Variants in FHIT observed in about 807,000 individuals in gnomAD.
FHIT encodes fragile histidine triad diadenosine triphosphatase.
Under a neutral mutation model 17.9 loss-of-function variants are expected in FHIT, and 19 were observed. That is an observed-to-expected ratio of 1.06 (90% confidence interval 0.74 to 1.56). The LOEUF (loss-of-function observed/expected upper bound fraction) is 1.56. Among genes scored for constraint, FHIT ranks in the 40% most tolerant of loss-of-function variants. The probability of loss-of-function intolerance (pLI) is 0.00; values close to 1 mark genes in which losing one functional copy is unlikely to be tolerated. For synonymous variants in FHIT, 81 were observed against 69.7 expected, an observed-to-expected ratio of 1.16 and a Z score of -0.81; for missense variants, 248 against 189.2, an observed-to-expected ratio of 1.31 and a Z score of -1.82.
chr3:60,380,231 G>A (rs1013849068), intron 5 of FHIT, among the ~76,000 whole-genome samples: 1 of 152,096 alleles, frequency 6.6e-6, no homozygotes, highest in Admixed American at 6.5e-5. Flanking sequence ...TAATGAGTGG[G>A]TTCTCACTGT....
intron 8 of FHIT, among the ~76,000 whole-genome samples, chr3:59,867,229 C>T (rs115666606): frequency 1.1e-5 from 1 of 88,180 alleles, no homozygotes; most frequent in Non-Finnish European, 2.3e-5. Context: ...TGAAGATCAC[C>T]GACATTCTCT....
intron 7 of FHIT, among the ~76,000 whole-genome samples, chr3:59,954,853 G>A (rs1021009473): frequency 6.6e-6 from 1 of 152,154 alleles, no homozygotes; most frequent in African/African-American, 2.4e-5. Context: ...AAGCTTACAT[G>A]CTAGGGCCAG....
At chr3:60,527,547 C>A (rs1475086565) in intron 5 of FHIT, among the ~76,000 whole-genome samples, 1 of 152,144 alleles carries the variant, frequency 6.6e-6, no homozygotes, top group Non-Finnish European at 1.5e-5. Flanking sequence ...ATGCGGCTAA[C>A]CAAGCTAAAC....
At chr3:60,570,747 A>AAAG (rs2037348122) in intron 4 of FHIT, among the ~76,000 whole-genome samples, 1 of 151,024 alleles carries the variant, frequency 6.6e-6, no homozygotes, top group Non-Finnish European at 1.5e-5. Flanking sequence ...TAAAAAAAAA[A>AAAG]AAAAAAAACT....
intron 5 of FHIT, among the ~76,000 whole-genome samples, chr3:60,201,851 A>C (rs908106152): frequency 2.0e-5 from 3 of 148,092 alleles, no homozygotes; most frequent in Non-Finnish European, 4.5e-5. Context: ...TCAGGGAGAA[A>C]AAAAAAAAAA....
rs573729223 is a variant in FHIT, at chr3:60,600,659, A to T, written c.-17-63680T>A. Among the ~76,000 whole-genome samples the T allele has an allele frequency of 5.9e-5, 9 of 152,276 alleles. No individual in the cohort carries two copies. In the East Asian group the frequency reaches 7.7e-4, roughly 13 times the overall value. On this transcript the variant is annotated intron_variant, in intron 4 of 9. Transcript: ENST00000492590. ...GAAGCGGTACTAATCAAAGAAGGTAAGTAGACAGATTTCTGAAGTTTCTCA... is the reference window on the plus strand; with the variant it reads ...GAAGCGGTACTAATCAAAGAAGGTATGTAGACAGATTTCTGAAGTTTCTCA...
intron 7 of FHIT, among the ~76,000 whole-genome samples, chr3:59,992,909 T>C (rs1301930133): frequency 6.6e-6 from 1 of 152,112 alleles, no homozygotes; most frequent in Non-Finnish European, 1.5e-5. Context: ...TACCACACAC[T>C]TGCCAACTTT....
intron 4 of FHIT, among the ~76,000 whole-genome samples, chr3:60,614,288 G>A (rs2038873720): frequency 6.6e-6 from 1 of 152,148 alleles, no homozygotes; most frequent in East Asian, 1.9e-4. Flanking sequence ...CGCTCTGGAA[G>A]CACAGAATTC....
chr3:60,722,732 A>G (rs6801067), intron 4 of FHIT, among the ~76,000 whole-genome samples: 24,383 of 95,260 alleles, frequency 0.26, 2,378 homozygotes, highest in African/African-American at 0.31. Flanking sequence ...TTTTTTTTTT[A>G]GATGGAGTCT....
At chr3:60,685,613 C>A (rs1305129491) in intron 4 of FHIT, among the ~76,000 whole-genome samples, 1 of 152,174 alleles carries the variant, frequency 6.6e-6, no homozygotes, top group Non-Finnish European at 1.5e-5. Flanking sequence ...GCACACTTCT[C>A]TTCATTCTAA....
At chr3:59,857,903 TACAG>T (rs1422524607) in intron 8 of FHIT, among the ~76,000 whole-genome samples, 1 of 152,152 alleles carries the variant, frequency 6.6e-6, no homozygotes, top group East Asian at 1.9e-4. Context: ...CAAGCCTGGA[TACAG>T]AAAGGTTTAG....
intron 4 of FHIT, chr3:60,732,044 T>C (rs144620341): frequency 1.9e-5 from 9 of 476,220 alleles, no homozygotes; most frequent in South Asian, 1.5e-4. Context: ...GCAGCGACAA[T>C]ACAAAGATTC....
chr3:60,425,121 C>T (rs1312007019), intron 5 of FHIT, among the ~76,000 whole-genome samples: 1 of 152,000 alleles, frequency 6.6e-6, no homozygotes, highest in African/African-American at 2.4e-5. Context: ...GGTTGCAACA[C>T]ATCCCTATCA....
chr3:60,331,357 T>G (rs76817831), intron 5 of FHIT, among the ~76,000 whole-genome samples: 377 of 152,300 alleles, frequency 2.5e-3, no homozygotes, highest in African/African-American at 8.8e-3. Flanking sequence ...GTTTCATGTT[T>G]CCTCTATACA....
chr3:59,766,819 A>G (rs1329594148), intron 8 of FHIT, among the ~76,000 whole-genome samples: 2 of 152,216 alleles, frequency 1.3e-5, no homozygotes, highest in Non-Finnish European at 2.9e-5. Flanking sequence ...AGACGTTGAA[A>G]GAAGTAAACT....
rs182162052 is a variant in FHIT at position 61,204,077 on chromosome 3, A to G, written c.-212-3412T>C. ...TACCTCTCAAAATATAATGTAAAAC[A>G]AAAGAAGCAAGTCACAGAAAGCTAT... On this transcript the variant is annotated intron_variant, in intron 1 of 9. Transcript: ENST00000492590. Among the ~76,000 whole-genome samples the G allele has an allele frequency of 1.4e-4, 21 of 152,378 alleles. No individual in the cohort carries two copies. In the East Asian group the frequency reaches 4.0e-3, roughly 29 times the overall value.
At chr3:59,788,780 A>G (rs1258437101) in intron 8 of FHIT, among the ~76,000 whole-genome samples, 1 of 151,768 alleles carries the variant, frequency 6.6e-6, no homozygotes, top group Non-Finnish European at 1.5e-5. Context: ...GATGAGGTAC[A>G]AGAAAGGAAG....
At chr3:60,052,978 T>C (rs1189616016) in intron 5 of FHIT, among the ~76,000 whole-genome samples, 3 of 150,424 alleles carry the variant, frequency 2.0e-5, no homozygotes, top group African/African-American at 7.3e-5. Flanking sequence ...TAAAATAGAG[T>C]CTTCAGTATT....
chr3:60,925,176 C>A (rs570651105), intron 3 of FHIT, among the ~76,000 whole-genome samples: 3 of 152,032 alleles, frequency 2.0e-5, no homozygotes, highest in African/African-American at 4.8e-5. Context: ...CTAGCAAGGA[C>A]GGCCAACATT....
Sources: allele counts gnomAD v4.1 joint callset (sites outside exome capture counted in the v4.1 genomes callset), GRCh38; gene constraint gnomAD v4.1.1; transcripts MANE v1.5; gene names NCBI Gene and HGNC (gene_info 2026-07-23, HGNC 2026-07-21).